The following SHISA5 variants were observed in gnomAD, a reference collection of about 807,000 sequenced individuals.
SHISA5 encodes the protein protein shisa-5.
SHISA5 carries 21 observed loss-of-function variants against 27.5 expected under a neutral mutation model. The observed-to-expected ratio is 0.76, with a 90% CI of 0.54 to 1.10. The LOEUF is 1.10. Ranked by LOEUF, SHISA5 falls within the 50% of genes least tolerant of loss-of-function variation. The pLI, the probability that SHISA5 is intolerant of heterozygous loss-of-function variation, is 0.00. For synonymous variants in SHISA5, 137 were observed against 142.2 expected (o/e 0.96, Z 0.26); for missense variants, 314 against 336.3 (o/e 0.93, Z 0.52).
chr3:48,481,467 A>C (rs1032238754), intron 2 of SHISA5, among the ~76,000 whole-genome samples: 2 of 151,584 alleles, frequency 1.3e-5, no homozygotes, highest in South Asian at 4.2e-4. Flanking sequence ...AAAATAAAAT[A>C]AAATAAACTC....
At position 48,486,910 on chromosome 3, in the gene SHISA5, G is replaced by T. The variant is rs1205570666; in HGVS notation, c.234-7653C>A. 3.5e-5 allele frequency among the ~76,000 whole-genome samples: 5 copies of T among 142,222 alleles called. No homozygotes were observed. In the East Asian group the frequency reaches 1.0e-3, roughly 29 times the overall value. The allele number at this position is 142,222 out of a possible 152,430, so 93.3% of individuals were successfully genotyped here. ...ACGCCAGCCTGGGTGACAGAGACAA[G>T]ACTCCATCTCAAAAAAAAAAAAAAG... On this transcript the variant is annotated intron_variant, in intron 2 of 5. Coordinates refer to ENST00000296444, the MANE Select transcript of SHISA5 (RefSeq NM_016479.6).
chr3:48,504,477 C>G (rs919433820), upstream of SHISA5: 3 of 181,832 alleles, frequency 1.6e-5, no homozygotes, highest in Non-Finnish European at 3.4e-5. This position sits in a 1 kb window ranked among gnomAD's most constrained non-coding sequence, Gnocchi z 4.0. Flanking sequence ...AGGGCGTCCC[C>G]GGGAATATGC....
At chr3:48,499,229 A>G (rs2041677441) in intron 2 of SHISA5, among the ~76,000 whole-genome samples, 1 of 151,864 alleles carries the variant, frequency 6.6e-6, no homozygotes, top group African/African-American at 2.4e-5. Flanking sequence ...GCTGGAGTGC[A>G]GTGGCACCAA....
At chr3:48,472,318 T>A (rs1050282922) in intron 3 of SHISA5, among the ~76,000 whole-genome samples, 6 of 150,078 alleles carry the variant, frequency 4.0e-5, no homozygotes, top group Admixed American at 2.0e-4. Flanking sequence ...TGAAACCCCA[T>A]CTCTACTAAA....
Position 48,473,130 on chromosome 3 carries a change from C to A in SHISA5, c.315-3287G>T. 1 of 1,468,138 alleles carries A rather than the reference C, an allele frequency of 6.8e-7. No individual in the cohort carries two copies. The highest frequency in any genetic ancestry group is 1.3e-5 in the South Asian group (1 of 74,080). The allele number at this position is 1,468,138 out of a possible 1,614,324, so 90.9% of individuals were successfully genotyped here. On this transcript the variant is annotated intron_variant, in intron 3 of 5. Coordinates refer to ENST00000296444, the MANE Select transcript of SHISA5 (RefSeq NM_016479.6). The surrounding 1 kb of genome is among the most constrained non-coding windows in gnomAD (Gnocchi z 4.3). ...TTTGGAGAAAAAGAAAGCAAATCTC[C>A]TCCAGATGACGTCAGCCACAGGAAG...
At chr3:48,474,156 C>T (rs1415216382) in intron 3 of SHISA5, among the ~76,000 whole-genome samples, 3 of 151,638 alleles carry the variant, frequency 2.0e-5, no homozygotes, top group East Asian at 1.9e-4. Context: ...GGCACGATCA[C>T]AGCTCACTGC....
chr3:48,499,537 G>A (rs934343722), intron 2 of SHISA5, among the ~76,000 whole-genome samples: 5 of 151,244 alleles, frequency 3.3e-5, no homozygotes, highest in Admixed American at 6.6e-5. Context: ...AAATTAGGCC[G>A]GGCGTGGTGG....
At chr3:48,490,435 T>C (rs9871608) in intron 2 of SHISA5, among the ~76,000 whole-genome samples, 16,486 of 152,244 alleles carry the variant, frequency 0.11, 1,854 homozygotes, top group African/African-American at 0.28. Flanking sequence ...GCAGCCCCCA[T>C]CACAGTGGGT....
chr3:48,486,658 G>A (rs1391201823), intron 2 of SHISA5, among the ~76,000 whole-genome samples: 8 of 139,756 alleles, frequency 5.7e-5, no homozygotes, highest in Non-Finnish European at 4.6e-5. Context: ...TTTGGGAGGC[G>A]GAGGCGGGTG....
intron 2 of SHISA5, among the ~76,000 whole-genome samples, chr3:48,489,298 T>A (rs762654389): frequency 6.6e-6 from 1 of 151,848 alleles, no homozygotes; most frequent in Non-Finnish European, 1.5e-5. Context: ...GGCAAAAGAT[T>A]GGACACCCCT....
intron 2 of SHISA5, among the ~76,000 whole-genome samples, chr3:48,498,819 C>A (rs763983622): frequency 6.6e-6 from 1 of 150,876 alleles, no homozygotes; most frequent in African/African-American, 2.4e-5. Flanking sequence ...CGGTGGCTCA[C>A]GCCTGTAATC....
Position 48,501,243 on chromosome 3 carries a change from A to G in SHISA5, c.127T>C (p.Ser43Pro). The change falls in exon 2 of 6, where the codon TCC becomes CCC. Residue 43 changes from serine to proline, a missense_variant. Ser to Pro is a moderately conservative substitution (Grantham distance 74). Transcript: ENST00000296444. ...GTACCACAGCAGAAATCTGGACAGG[A>G]CTCGGGGAAGAGGCTGAGTCCACGG... ...ASRGLSLFPE[S>P]CPDFCCGTCD... 5 of 1,613,980 alleles carry G rather than the reference A, an allele frequency of 3.1e-6. No homozygotes were observed. The highest frequency in any genetic ancestry group is 4.2e-6 in the Non-Finnish European group (5 of 1,179,994).
intron 1 of SHISA5, 21 bp downstream of exon 1, chr3:48,503,998 C>T: frequency 6.9e-7 from 1 of 1,459,100 alleles, no homozygotes. Context: ...GCAGGACGGG[C>T]CGCCCCCACC....
At chr3:48,480,741 A>G (rs934100426) in intron 2 of SHISA5, among the ~76,000 whole-genome samples, 1 of 152,156 alleles carries the variant, frequency 6.6e-6, no homozygotes, top group African/African-American at 2.4e-5. Flanking sequence ...CCTAAGTGAC[A>G]GAGCAAGACT....
chr3:48,489,553 A>C (rs1575325052), intron 2 of SHISA5, among the ~76,000 whole-genome samples: 1 of 145,906 alleles, frequency 6.9e-6, no homozygotes, highest in Non-Finnish European at 1.5e-5. Flanking sequence ...CGATCTCCTG[A>C]CCTTGTGATC....
chr3:48,502,961 T>C, intron 1 of SHISA5: 1 of 468,894 alleles, frequency 2.1e-6, no homozygotes, highest in Non-Finnish European at 3.8e-6. Context: ...GTGACCTCCT[T>C]GGGAAGAGGG....
In SHISA5 at chr3:48,479,200, A is replaced by G. The variant is rs994591036; in HGVS notation, c.291T>C (p.Pro97=). Residue 97 remains proline (P), a synonymous_variant, in exon 3 of 6, where the codon CCT becomes CCC. Coordinates refer to ENST00000296444, the MANE Select transcript of SHISA5 (RefSeq NM_016479.6). ...ACCCTGACATGGGGTCGTTGTAGCCAGGGCGAAACCTCAGCGCCGAGCCCA... is the reference window on the plus strand; with the variant it reads ...ACCCTGACATGGGGTCGTTGTAGCCGGGGCGAAACCTCAGCGCCGAGCCCA... ...EQLGSALRFR[P]GYNDPMSGFG... The G allele has an allele frequency of 6.2e-7, 1 of 1,610,736 alleles. No individual in the cohort carries two copies. The highest frequency in any genetic ancestry group is 8.5e-7 in the Non-Finnish European group (1 of 1,179,088).
chr3:48,468,874 G>A lies in SHISA5; in HGVS notation c.*233C>T. ...TGAGATTTTAGGAAGCATAATTTCA[G>A]GTGAGGAAGAGAACAAAGTCTGGTC... is the stretch of plus-strand genomic sequence containing the variant. On this transcript the variant is annotated 3_prime_UTR_variant, in exon 6 of 6. Coordinates refer to ENST00000296444, the MANE Select transcript of SHISA5 (RefSeq NM_016479.6). 1 of 1,529,228 alleles carries A rather than the reference G, an allele frequency of 6.5e-7. No individual in the cohort carries two copies. The highest frequency in any genetic ancestry group is 8.8e-7 in the Non-Finnish European group (1 of 1,142,658). The allele number at this position is 1,529,228 out of a possible 1,614,324, so 94.7% of individuals were successfully genotyped here.
At chr3:48,476,979 G>C (rs1349041950) in intron 3 of SHISA5, 1 of 419,762 alleles carries the variant, frequency 2.4e-6, no homozygotes, top group African/African-American at 2.1e-5. Context: ...AGGTGCCTCT[G>C]AGCTGGCCCC....
Sources: allele counts gnomAD v4.1 joint callset (sites outside exome capture counted in the v4.1 genomes callset), GRCh38; gene constraint gnomAD v4.1.1; non-coding constraint Gnocchi (gnomAD v3.1); transcripts MANE v1.5; gene names NCBI Gene and HGNC (gene_info 2026-07-23, HGNC 2026-07-21).